Variants in TBP observed in about 807,000 individuals in gnomAD.
The protein encoded by TBP is TATA-box-binding protein.
Under a neutral mutation model 46.2 loss-of-function variants are expected in TBP, and 12 were observed. That is an observed-to-expected ratio of 0.26 (90% CI 0.17 to 0.42). The LOEUF (loss-of-function observed/expected upper bound fraction) is 0.42. Ranked by LOEUF, TBP falls within the 10% of genes least tolerant of loss-of-function variation. TBP has a pLI of 1.00. For missense variants in TBP, 229 were observed against 403.1 expected (o/e 0.57, Z 3.70); for synonymous variants, 157 against 148.3 (o/e 1.06, Z -0.42).
intron 1 of TBP, among the ~76,000 whole-genome samples, chr6:170,556,392 G>T (rs1015319604): frequency 2.0e-5 from 3 of 151,430 alleles, no homozygotes; most frequent in African/African-American, 7.3e-5. Flanking sequence ...TTTCATTACA[G>T]TAGGAGCTTG....
intron 1 of TBP, among the ~76,000 whole-genome samples, chr6:170,556,624 A>G (rs1339188415): frequency 6.6e-6 from 1 of 152,234 alleles, no homozygotes; most frequent in Non-Finnish European, 1.5e-5. Flanking sequence ...AATGCTGGTT[A>G]TGACAGCTCG....
chr6:170,558,484 CCACCTCACTTTACTG>C (rs901444194), intron 2 of TBP, among the ~76,000 whole-genome samples: 90 of 152,094 alleles, frequency 5.9e-4, no homozygotes, highest in African/African-American at 2.2e-3. Context: ...ATACACAGGC[CCACCTCACTTTACTG>C]CACTTCACTT....
At chr6:170,571,711 A>C (rs1259567696) in intron 7 of TBP, among the ~76,000 whole-genome samples, 2 of 152,186 alleles carry the variant, frequency 1.3e-5, no homozygotes, top group African/African-American at 4.8e-5. Context: ...GCAGACTTCC[A>C]TTTACAGTGA....
intron 4 of TBP, 117 bp from the exon 5 acceptor site, chr6:170,566,801 A>G: frequency 1.5e-6 from 1 of 675,118 alleles, no homozygotes; most frequent in Non-Finnish European, 2.6e-6. Context: ...ATATTTTGAT[A>G]ACTAGATGTA....
rs546346843 is a variant in TBP at position 170,571,156 on chromosome 6, A to G, written c.846-254A>G. ...AGGGCTCTTTTTCTTAAATCAGAAA[A>G]TCCAGATTCAATAGAAATAGGGTAA... is the stretch of plus-strand genomic sequence containing the variant. On this transcript the variant is annotated intron_variant, in intron 6 of 7. Coordinates refer to ENST00000392092, the MANE Select transcript of TBP (RefSeq NM_003194.5). 2.0e-5 allele frequency among the ~76,000 whole-genome samples: 3 copies of G among 152,316 alleles called. No homozygotes were observed. In the South Asian group the frequency reaches 6.2e-4, roughly 32 times the overall value.
intron 3 of TBP, 58 bp from the exon 4 acceptor site, chr6:170,564,487 C>T: frequency 8.1e-7 from 1 of 1,238,902 alleles, no homozygotes; most frequent in Non-Finnish European, 1.1e-6. Context: ...TCTAACGCCT[C>T]ATCCAATGAA....
At position 170,572,508 on chromosome 6, in the gene TBP, C is replaced by T; in HGVS notation, c.*243C>T. 2.0e-6 allele frequency: 1 copy of T among 488,290 alleles called. No individual in the cohort carries two copies. The highest frequency in any genetic ancestry group is 3.6e-6 in the Non-Finnish European group (1 of 277,580). 30.2% of individuals were successfully genotyped at this position (488,290 alleles called of 1,614,324 possible). A position where few individuals can be genotyped will look rare whatever the true frequency, so the allele number is the denominator to read the frequency against. ...TGCTCATACCGTGCTGCTATCTGGG[C>T]AGCGCTGCCCATTTATTTATATGTA... is the stretch of plus-strand genomic sequence containing the variant. On this transcript the variant is annotated 3_prime_UTR_variant, in exon 8 of 8. Coordinates refer to ENST00000392092, the MANE Select transcript of TBP (RefSeq NM_003194.5).
intron 3 of TBP, among the ~76,000 whole-genome samples, chr6:170,563,575 A>G (rs1283726077): frequency 2.0e-5 from 3 of 152,252 alleles, no homozygotes; most frequent in African/African-American, 7.2e-5. Flanking sequence ...GAAATAGATG[A>G]TATGGAAATG....
intron 2 of TBP, among the ~76,000 whole-genome samples, chr6:170,557,510 G>A (rs1352089813): frequency 7.2e-5 from 11 of 152,112 alleles, no homozygotes; most frequent in African/African-American, 4.8e-5. Context: ...CAAGGTGGGC[G>A]GATCACCTGA....
intron 6 of TBP, among the ~76,000 whole-genome samples, chr6:170,570,210 T>C (rs1330015225): frequency 6.6e-6 from 1 of 152,186 alleles, no homozygotes; most frequent in African/African-American, 2.4e-5. Context: ...TACTTGCAGG[T>C]GAAGACTCAC....
intron 4 of TBP, among the ~76,000 whole-genome samples, chr6:170,564,845 A>G (rs1385406198): frequency 1.3e-5 from 2 of 149,316 alleles, no homozygotes; most frequent in Admixed American, 6.7e-5. Flanking sequence ...ACATGGCAAG[A>G]CCCTGTCTCT....
intron 3 of TBP, among the ~76,000 whole-genome samples, chr6:170,562,698 C>T (rs372332376): frequency 5.9e-5 from 9 of 152,104 alleles, no homozygotes; most frequent in East Asian, 1.9e-4. Context: ...AAAATGAAGA[C>T]GACTGTTTTT....
intron 1 of TBP, among the ~76,000 whole-genome samples, chr6:170,556,614 A>G (rs1004240827): frequency 2.0e-5 from 3 of 152,220 alleles, no homozygotes; most frequent in Non-Finnish European, 2.9e-5. Flanking sequence ...AAAAGTTTTT[A>G]ATGCTGGTTA....
chr6:170,571,649 G>A (rs1433687985), intron 7 of TBP, 145 bp downstream of exon 7: 4 of 652,778 alleles, frequency 6.1e-6, no homozygotes, highest in East Asian at 2.7e-5. Flanking sequence ...GATGAGAAAC[G>A]TGCCCACTAA....
At chr6:170,561,227 A>G (rs931648277) in intron 2 of TBP, among the ~76,000 whole-genome samples, 2 of 152,236 alleles carry the variant, frequency 1.3e-5, no homozygotes, top group Non-Finnish European at 2.9e-5. Context: ...ACATAATGCT[A>G]TTGCACACTT....
chr6:170,564,318 T>C (rs1335724819), intron 3 of TBP, among the ~76,000 whole-genome samples: 1 of 152,226 alleles, frequency 6.6e-6, no homozygotes, highest in East Asian at 1.9e-4. Context: ...TTTATCCAAA[T>C]GTGGGAATAC....
rs752404282 is a variant in TBP at position 170,561,958 on chromosome 6, A to ACAGCAG, written c.276_281dup (p.Gln94_Gln95dup). On this transcript the variant is annotated inframe_insertion, in exon 3 of 8. Transcript: ENST00000392092. ...AGCAGCAGCAGCAGCAGCAACAGCA[A>ACAGCAG]CAGCAGCAGCAGCAGCAGCAGCAGC... is the stretch of plus-strand genomic sequence containing the variant. 4.7e-3 allele frequency: 6,610 copies of ACAGCAG among 1,404,802 alleles called. 21 individuals carry two copies. The highest frequency in any genetic ancestry group is 0.011 in the South Asian group (907 of 86,288). 87.0% of individuals were successfully genotyped at this position (1,404,802 alleles called of 1,614,324 possible). A position where few individuals can be genotyped will look rare whatever the true frequency, so the allele number is the denominator to read the frequency against.
chr6:170,556,219 T>C (rs1779024620), intron 1 of TBP, among the ~76,000 whole-genome samples: 1 of 152,214 alleles, frequency 6.6e-6, no homozygotes, highest in African/African-American at 2.4e-5. Flanking sequence ...TGAGAATATG[T>C]TGTTATAAAC....
At chr6:170,564,829 C>T (rs537508862) in intron 4 of TBP, among the ~76,000 whole-genome samples, 197 bp downstream of exon 4, 119 of 150,654 alleles carry the variant, frequency 7.9e-4, no homozygotes, top group African/African-American at 2.8e-3. Context: ...ACCACCAGCC[C>T]AGGCAACATG....
Sources: gnomAD v4.1 joint callset for allele counts (sites outside exome capture counted in the v4.1 genomes callset) on GRCh38, gnomAD v4.1.1 for gene constraint, MANE v1.5 for transcripts, NCBI Gene and HGNC (gene_info 2026-07-23, HGNC 2026-07-21) for gene names.